Variants in SLC14A2 observed in about 807,000 individuals in gnomAD.
SLC14A2 encodes the protein urea transporter 2.
Under a neutral mutation model 104.6 loss-of-function variants are expected in SLC14A2, and 91 were observed. The ratio of observed to expected loss-of-function variants is 0.87; its 90% CI spans 0.73 to 1.04. The LOEUF (loss-of-function observed/expected upper bound fraction) is 1.04. SLC14A2 is among the 50% of genes least tolerant of loss of function. The probability of loss-of-function intolerance (pLI) is 0.00; values close to 1 mark genes in which losing one functional copy is unlikely to be tolerated. For synonymous variants in SLC14A2, 476 were observed against 466.4 expected (o/e 1.02, Z -0.27); for missense variants, 1,189 against 1,156.0 (o/e 1.03, Z -0.41).
chr18:45,420,858 A>T (rs747876802), intron 1 of SLC14A2, among the ~76,000 whole-genome samples: 3 of 151,502 alleles, frequency 2.0e-5, no homozygotes, highest in Non-Finnish European at 2.9e-5. Flanking sequence ...CTCCCGCCTC[A>T]ACCTCCCGAG....
chr18:45,269,037 G>C (rs1251615882), intron 1 of SLC14A2, among the ~76,000 whole-genome samples: 1 of 151,148 alleles, frequency 6.6e-6, no homozygotes, highest in Non-Finnish European at 1.5e-5. Flanking sequence ...ATCATTGACA[G>C]AAGGAGGGAA....
intron 2 of SLC14A2, among the ~76,000 whole-genome samples, chr18:45,606,069 C>G (rs1484871): frequency 0.73 from 110,279 of 151,964 alleles, 40,227 homozygotes; most frequent in East Asian, 0.85. Context: ...CAGCTGGAGG[C>G]GGGGAGGTGA....
chr18:45,305,200 G>A (rs999116002), intron 1 of SLC14A2, among the ~76,000 whole-genome samples: 7 of 152,194 alleles, frequency 4.6e-5, no homozygotes. Flanking sequence ...TGCTTGTTTG[G>A]GAGACAGGAT....
At chr18:45,392,652 A>G (rs2085983394) in intron 1 of SLC14A2, among the ~76,000 whole-genome samples, 1 of 152,242 alleles carries the variant, frequency 6.6e-6, no homozygotes, top group African/African-American at 2.4e-5. Flanking sequence ...CTATACATAT[A>G]TACCTATATT....
At chr18:45,393,869 A>G (rs796643347) in intron 1 of SLC14A2, among the ~76,000 whole-genome samples, 4 of 152,128 alleles carry the variant, frequency 2.6e-5, no homozygotes, top group Non-Finnish European at 4.4e-5. Flanking sequence ...ATCCTCCCCA[A>G]ATCCCTCTAT....
At chr18:45,559,012 A>G (rs2044169669) in intron 2 of SLC14A2, among the ~76,000 whole-genome samples, 2 of 151,942 alleles carry the variant, frequency 1.3e-5, no homozygotes, top group Non-Finnish European at 1.5e-5. Flanking sequence ...GTTGGTCTCA[A>G]TCTCCTGGCC....
intron 1 of SLC14A2, among the ~76,000 whole-genome samples, chr18:45,432,955 G>T (rs1243822684): frequency 1.3e-5 from 2 of 152,058 alleles, no homozygotes; most frequent in East Asian, 1.9e-4. Flanking sequence ...GAGCCCAAAG[G>T]CCTATTTTGC....
the SLC14A2 span, among the ~76,000 whole-genome samples, chr18:45,194,231 A>G: frequency 6.6e-6 from 1 of 152,158 alleles, no homozygotes; most frequent in Non-Finnish European, 1.5e-5. Context: ...CTCCAGTATA[A>G]TGCTGACTAG....
At chr18:45,456,751 C>CT (rs10711605) in intron 1 of SLC14A2, among the ~76,000 whole-genome samples, 8,635 of 141,898 alleles carry the variant, frequency 0.061, 813 homozygotes, top group African/African-American at 0.2. Flanking sequence ...CCCCAGGAGA[C>CT]TTTTTTTTTT....
chr18:45,279,199 G>A (rs73952832), intron 1 of SLC14A2, among the ~76,000 whole-genome samples: 15,266 of 152,160 alleles, frequency 0.1, 1,680 homozygotes, highest in African/African-American at 0.26. Flanking sequence ...GGAACATGCC[G>A]ACAGCAGTAA....
intron 1 of SLC14A2, among the ~76,000 whole-genome samples, chr18:45,235,703 C>T (rs1217913521): frequency 6.6e-6 from 1 of 151,374 alleles, no homozygotes; most frequent in East Asian, 1.9e-4. Context: ...ATTTATTTCA[C>T]TTAATACAAT....
intron 1 of SLC14A2, among the ~76,000 whole-genome samples, chr18:45,264,733 C>T (rs2084574671): frequency 6.6e-6 from 1 of 152,108 alleles, no homozygotes; most frequent in African/African-American, 2.4e-5. Flanking sequence ...AGGAAACGGC[C>T]TCCATGATTC....
At chr18:45,446,494 C>T (rs1458925178) in intron 1 of SLC14A2, among the ~76,000 whole-genome samples, 1 of 152,236 alleles carries the variant, frequency 6.6e-6, no homozygotes, top group Non-Finnish European at 1.5e-5. Flanking sequence ...TTGTCTTAGA[C>T]TTCCAGCCAC....
intron 1 of SLC14A2, among the ~76,000 whole-genome samples, chr18:45,426,206 G>GCCTCTGTTTAGCTTCTCCCTGTTC (rs1317491649): frequency 1.3e-5 from 2 of 151,942 alleles, no homozygotes; most frequent in Non-Finnish European, 2.9e-5. Flanking sequence ...GAACTATCCC[G>GCCTCTGTTTAGCTTCTCCCTGTTC]CCTCTGTTTA....
At chr18:45,370,822 G>A (rs1418728018) in intron 1 of SLC14A2, among the ~76,000 whole-genome samples, 1 of 152,184 alleles carries the variant, frequency 6.6e-6, no homozygotes, top group African/African-American at 2.4e-5. Flanking sequence ...GGCTGGAATT[G>A]GAAACGGTCC....
chr18:45,206,339 T>C, the SLC14A2 span, among the ~76,000 whole-genome samples: 1 of 152,102 alleles, frequency 6.6e-6, no homozygotes, highest in East Asian at 1.9e-4. Context: ...GGTTCCTTTT[T>C]CATTTGTGAC....
chr18:45,441,064 C>A (rs919778995), intron 1 of SLC14A2, among the ~76,000 whole-genome samples: 2 of 152,160 alleles, frequency 1.3e-5, no homozygotes, highest in African/African-American at 2.4e-5. Context: ...GGATTTGAAA[C>A]CATCTGACTG....
At chr18:45,262,969 G>GCA (rs2144102889) in intron 1 of SLC14A2, among the ~76,000 whole-genome samples, 1 of 152,292 alleles carries the variant, frequency 6.6e-6, no homozygotes, top group African/African-American at 2.4e-5. Context: ...CTAACATCTT[G>GCA]CACACACATA....
rs771447909 is a variant in SLC14A2 at position 45,348,116 on chromosome 18, A to G, written c.-125+134925A>G. Among the ~76,000 whole-genome samples, 127 of 152,268 alleles carry G rather than the reference A, an allele frequency of 8.3e-4. 1 individual carries two copies. The highest frequency in any genetic ancestry group is 6.8e-4 in the Non-Finnish European group (46 of 68,010). On this transcript the variant is annotated intron_variant, in intron 1 of 20. Transcript: ENST00000586448. ...GCTGCACCATCCAGAACACAGGGAC[A>G]ATTTCTCCTGCAGGAGTCTGCTTAA...
Sources: allele counts gnomAD v4.1 joint callset (sites outside exome capture counted in the v4.1 genomes callset), GRCh38; gene constraint gnomAD v4.1.1; transcripts MANE v1.5; gene names NCBI Gene and HGNC (gene_info 2026-07-23, HGNC 2026-07-21).